The following RYR3 variants were observed in gnomAD, a reference collection of about 807,000 sequenced individuals.
The protein encoded by RYR3 is ryanodine receptor 3.
RYR3 carries 207 observed loss-of-function variants against 584.3 expected under a neutral mutation model. The ratio of observed to expected loss-of-function variants is 0.35; its 90% CI spans 0.32 to 0.40. The LOEUF (loss-of-function observed/expected upper bound fraction) is 0.40. Ranked by LOEUF, RYR3 falls within the 10% of genes least tolerant of loss-of-function variation. RYR3 has a pLI of 1.00. For synonymous variants in RYR3, 2,416 were observed against 2,248.5 expected, an observed-to-expected ratio of 1.07 and a Z score of -2.11; for missense variants, 5,616 against 6,089.2, an observed-to-expected ratio of 0.92 and a Z score of 2.59.
At chr15:33,430,240 C>T (rs988781986) in intron 1 of RYR3, among the ~76,000 whole-genome samples, 16 of 152,182 alleles carry the variant, frequency 1.1e-4, no homozygotes, top group South Asian at 2.1e-4. Context: ...CAAGGAGAAT[C>T]GGGCAGCTAA....
chr15:33,641,189 T>C (rs1334065515), intron 27 of RYR3, among the ~76,000 whole-genome samples: 2 of 152,190 alleles, frequency 1.3e-5, no homozygotes, highest in Non-Finnish European at 2.9e-5. Context: ...AGACGACAAT[T>C]AGAAAGCAGG....
chr15:33,484,483 G>C (rs1403902545), intron 2 of RYR3, among the ~76,000 whole-genome samples: 4 of 152,146 alleles, frequency 2.6e-5, no homozygotes, highest in Non-Finnish European at 5.9e-5. Flanking sequence ...TAGGTGATGA[G>C]GGCACAGATT....
intron 70 of RYR3, among the ~76,000 whole-genome samples, chr15:33,809,568 G>A (rs908835582): frequency 1.3e-5 from 2 of 151,720 alleles, no homozygotes; most frequent in Admixed American, 1.3e-4. Context: ...GGTTCCCTGG[G>A]GCTGCTATTG....
At chr15:33,799,432 G>A (rs2075798016) in intron 67 of RYR3, among the ~76,000 whole-genome samples, 1 of 146,188 alleles carries the variant, frequency 6.8e-6, no homozygotes, top group East Asian at 2.6e-4. Flanking sequence ...CTATATAATG[G>A]AGCCACCACA....
chr15:33,322,163 G>C (rs1438378976), intron 1 of RYR3, among the ~76,000 whole-genome samples: 2 of 152,146 alleles, frequency 1.3e-5, no homozygotes, highest in African/African-American at 4.8e-5. Context: ...GCCATTCTTG[G>C]GTTGCCATAA....
intron 1 of RYR3, among the ~76,000 whole-genome samples, chr15:33,346,079 T>C (rs1972426373): frequency 6.6e-6 from 1 of 152,348 alleles, no homozygotes; most frequent in East Asian, 1.9e-4. Flanking sequence ...TCATTATATA[T>C]ATTTTTTCCT....
intron 77 of RYR3, 58 bp downstream of exon 77, chr15:33,819,865 T>G: frequency 7.3e-7 from 1 of 1,374,080 alleles, no homozygotes; most frequent in Middle Eastern, 1.8e-4. Context: ...TAGATTTCTT[T>G]AGGCGCATGA....
intron 20 of RYR3, among the ~76,000 whole-genome samples, chr15:33,624,881 T>G (rs771896493): frequency 6.6e-6 from 1 of 152,232 alleles, no homozygotes; most frequent in Non-Finnish European, 1.5e-5. Flanking sequence ...TCTTTTAGCC[T>G]AGAGACTTTC....
intron 2 of RYR3, among the ~76,000 whole-genome samples, chr15:33,501,575 G>A (rs956139338): frequency 6.6e-5 from 10 of 152,132 alleles, no homozygotes; most frequent in African/African-American, 2.4e-4. Flanking sequence ...AATTGGAAGA[G>A]GAAGAAACAA....
intron 62 of RYR3, 108 bp from the exon 63 acceptor site, chr15:33,771,812 A>G: frequency 1.4e-6 from 1 of 713,976 alleles, no homozygotes; most frequent in Non-Finnish European, 2.5e-6. Context: ...AGTGTCATTG[A>G]GTGACAGGAG....
At chr15:33,519,326 C>G (rs1436040586) in intron 3 of RYR3, among the ~76,000 whole-genome samples, 1 of 152,180 alleles carries the variant, frequency 6.6e-6, no homozygotes, top group Non-Finnish European at 1.5e-5. Flanking sequence ...GAGAGAGAAG[C>G]AGAGAGAGTC....
At chr15:33,641,054 C>G (rs2061791386) in intron 27 of RYR3, among the ~76,000 whole-genome samples, 1 of 152,206 alleles carries the variant, frequency 6.6e-6, no homozygotes, top group Non-Finnish European at 1.5e-5. Context: ...CCCTTTTCCT[C>G]TACGGGGCCT....
chr15:33,417,215 A>T (rs2043881397), intron 1 of RYR3, among the ~76,000 whole-genome samples: 1 of 152,056 alleles, frequency 6.6e-6, no homozygotes, highest in South Asian at 2.1e-4. Context: ...GTTTTTTCTA[A>T]TTCTGTAAAA....
At chr15:33,855,014 G>GTA in intron 98 of RYR3, 102 bp downstream of exon 98, 2 of 1,193,900 alleles carry the variant, frequency 1.7e-6, no homozygotes, top group South Asian at 2.5e-5. Context: ...ATATGTCTTG[G>GTA]TATATAATGT....
intron 94 of RYR3, chr15:33,850,034 T>C (rs2078989192): frequency 1.3e-5 from 2 of 152,192 alleles, no homozygotes; most frequent in Admixed American, 1.3e-4. Context: ...TCATCAGTAA[T>C]GCCTGCGTCT....
At position 33,780,251 on chromosome 15, in the gene RYR3, G is replaced by T. The variant is rs758088979; in HGVS notation, c.9178G>T (p.Ala3060Ser). The change falls in exon 65 of 104, where the codon GCT becomes TCT. Residue 3060 changes from alanine to serine, a missense_variant. Transcript: ENST00000634891. ...TGGAGAATGTCTGGCCTCGCTGGCA[G>T]CTGCCATACCAGTGGCATTCCTGGA... Reference protein sequence around the residue: ...ALGECLASLAAAIPVAFLEPT... With the variant: ...ALGECLASLASAIPVAFLEPT... 108 of 1,613,382 alleles carry T rather than the reference G, an allele frequency of 6.7e-5. No individual in the cohort carries two copies. Among genetic ancestry groups the T allele is most frequent in the Non-Finnish European group, 8.7e-5 (103 of 1,179,814 alleles).
At chr15:33,634,024 A>G (rs1595905765) in intron 24 of RYR3, among the ~76,000 whole-genome samples, 1 of 152,154 alleles carries the variant, frequency 6.6e-6, no homozygotes, top group South Asian at 2.1e-4. Context: ...TTATTCACAG[A>G]CTGGTGTTAT....
chr15:33,808,734 A>G (rs1054588472), intron 70 of RYR3, among the ~76,000 whole-genome samples: 7 of 152,232 alleles, frequency 4.6e-5, no homozygotes, highest in Non-Finnish European at 1.0e-4. Flanking sequence ...TAGTTGGCAC[A>G]CGCTCAGTCT....
intron 1 of RYR3, among the ~76,000 whole-genome samples, chr15:33,426,010 T>A (rs1247463550): frequency 6.6e-6 from 1 of 152,150 alleles, no homozygotes; most frequent in African/African-American, 2.4e-5. Flanking sequence ...GTAATTGAGC[T>A]CCCTGACCCT....
Sources: gnomAD v4.1 joint callset for allele counts (sites outside exome capture counted in the v4.1 genomes callset) on GRCh38, gnomAD v4.1.1 for gene constraint, MANE v1.5 for transcripts, NCBI Gene and HGNC (gene_info 2026-07-23, HGNC 2026-07-21) for gene names.